Variants in TARS1 observed in about 807,000 individuals in gnomAD.
TARS1 encodes the protein threonine--tRNA ligase 1, cytoplasmic.
In TARS1, 57 loss-of-function variants were observed where a neutral mutation model predicts 97.7. That is an observed-to-expected ratio of 0.58 (90% CI 0.47 to 0.73). The LOEUF is 0.73. TARS1 is among the 30% of genes least tolerant of loss of function. TARS1 has a pLI of 0.00. For missense variants in TARS1, 806 were observed against 888.3 expected, an observed-to-expected ratio of 0.91 and a Z score of 1.18; for synonymous variants, 312 against 293.7, an observed-to-expected ratio of 1.06 and a Z score of -0.64.
At chr5:33,452,488 G>T in intron 3 of TARS1, 8 of 1,400,850 alleles carry the variant, frequency 5.7e-6, no homozygotes, top group Non-Finnish European at 7.8e-6. Flanking sequence ...GACCTGTACT[G>T]CTTTCCCTCC....
chr5:33,449,638 G>T (rs1278903815), intron 3 of TARS1, among the ~76,000 whole-genome samples: 3 of 151,438 alleles, frequency 2.0e-5, no homozygotes, highest in Admixed American at 1.3e-4. Context: ...TGTATTTTTA[G>T]TAGAGACGGG....
chr5:33,454,354 A>T (rs1741909147), intron 4 of TARS1, among the ~76,000 whole-genome samples: 1 of 152,210 alleles, frequency 6.6e-6, no homozygotes, highest in South Asian at 2.1e-4. Flanking sequence ...TTAATACTAA[A>T]TCTTGAAAAC....
intron 18 of TARS1, 69 bp downstream of exon 18, chr5:33,467,054 G>A: frequency 1.2e-6 from 1 of 849,098 alleles, no homozygotes; most frequent in Non-Finnish European, 1.7e-6. Context: ...CTTGAGACAG[G>A]TTTAAGTGAA....
At chr5:33,445,425 G>C (rs1304389299) in intron 2 of TARS1, 21 bp downstream of exon 2, 5 of 1,608,290 alleles carry the variant, frequency 3.1e-6, no homozygotes, top group Non-Finnish European at 4.3e-6. Flanking sequence ...TCATCACAGA[G>C]GGCTCTGTTA....
At chr5:33,461,439 T>C in intron 13 of TARS1, 144 bp downstream of exon 13, 1 of 1,238,008 alleles carries the variant, frequency 8.1e-7, no homozygotes. Flanking sequence ...AGTTTTTTTC[T>C]TTATGATTGT....
chr5:33,452,781 T>C (rs1678248008), intron 3 of TARS1, among the ~76,000 whole-genome samples: 1 of 151,466 alleles, frequency 6.6e-6, no homozygotes, highest in Non-Finnish European at 1.5e-5. Context: ...CTTTTTTTTT[T>C]CCTTTGGAGT....
rs1251877297 is a variant in TARS1 at position 33,467,934 on chromosome 5, A to T, written c.*226A>T. The T allele has an allele frequency of 2.3e-6, 1 of 427,284 alleles. No individual in the cohort carries two copies. The highest frequency in any genetic ancestry group is 4.1e-6 in the Non-Finnish European group (1 of 243,060). 26.5% of individuals were successfully genotyped at this position (427,284 alleles called of 1,614,324 possible). ...GCCAATAAAATGATTTTACTCATTCAGTATCTGAGTACTGGAAGTGAAACA... is the reference window on the plus strand; with the variant it reads ...GCCAATAAAATGATTTTACTCATTCTGTATCTGAGTACTGGAAGTGAAACA... On this transcript the variant is annotated 3_prime_UTR_variant, in exon 19 of 19. Transcript: ENST00000265112.
rs993370964 is a variant in TARS1 at position 33,458,487 on chromosome 5, A to G, written c.985-79A>G. Reference sequence around the variant, plus strand: ...ACATCATGACCATATTCTGAGCTCAAGAACACTGAAATTTATGTATATATA... The same window carrying G: ...ACATCATGACCATATTCTGAGCTCAGGAACACTGAAATTTATGTATATATA... On this transcript the variant is annotated intron_variant, in intron 9 of 18. Coordinates refer to ENST00000265112, the MANE Select transcript of TARS1 (RefSeq NM_152295.5). 1.6e-5 allele frequency: 20 copies of G among 1,253,908 alleles called. No homozygotes were observed. In the Admixed American group the frequency reaches 2.0e-4, roughly 12 times the overall value. The allele number at this position is 1,253,908 out of a possible 1,614,324, so 77.7% of individuals were successfully genotyped here.
chr5:33,448,130 G>A (rs1337487500), intron 2 of TARS1, among the ~76,000 whole-genome samples: 1 of 152,144 alleles, frequency 6.6e-6, no homozygotes, highest in East Asian at 1.9e-4. Flanking sequence ...GGTTGTGAGT[G>A]GACATATAGG....
chr5:33,465,183 C>T (rs998919516), intron 17 of TARS1, among the ~76,000 whole-genome samples: 5 of 152,208 alleles, frequency 3.3e-5, no homozygotes, highest in African/African-American at 9.6e-5. Flanking sequence ...GTTTTAGTTA[C>T]AAATGATGAC....
chr5:33,450,857 G>A (rs1741698516), intron 3 of TARS1, among the ~76,000 whole-genome samples: 1 of 152,240 alleles, frequency 6.6e-6, no homozygotes, highest in African/African-American at 2.4e-5. Flanking sequence ...GCTCACAGCT[G>A]TAATCCCAGC....
intron 2 of TARS1, among the ~76,000 whole-genome samples, chr5:33,447,011 G>A (rs999476120): frequency 3.3e-5 from 5 of 152,146 alleles, no homozygotes; most frequent in African/African-American, 4.8e-5. Context: ...GGCCTGATAC[G>A]GTGGTAGGAA....
At position 33,461,194 on chromosome 5, in the gene TARS1, C is replaced by T. The variant is rs375360008; in HGVS notation, c.1450C>T (p.Arg484Cys). ...AATAAAAGGTTGTTTGGATTTTCTA[C>T]GTACGGTATATAGCGTATTTGGATT... The part of the protein sequence containing the change: ...DEIKGCLDFL[R>C]TVYSVFGFSF... Residue 484 changes from arginine (R) to cysteine (C), a missense_variant, in exon 13 of 19, where the codon CGT becomes TGT. Physicochemically the swap from Arg to Cys is radical, Grantham distance 180. Transcript: ENST00000265112. 12 of 1,611,078 alleles carry T rather than the reference C, an allele frequency of 7.4e-6. No individual in the cohort carries two copies. Among genetic ancestry groups the T allele is most frequent in the African/African-American group, 2.7e-5 (2 of 74,748 alleles).
intron 9 of TARS1, 141 bp downstream of exon 9, chr5:33,457,544 C>G (rs950425513): frequency 1.5e-5 from 13 of 873,820 alleles, no homozygotes; most frequent in Non-Finnish European, 1.9e-5. Context: ...ATGTCCTGTA[C>G]AAACTATAAA....
rs778072914 is a variant in TARS1, at chr5:33,461,171, T to A, written c.1427T>A (p.Ile476Lys). The change falls in exon 13 of 19, where the codon ATA (isoleucine) becomes AAA (lysine). Residue 476 changes from isoleucine to lysine, a missense_variant. Around this residue, in one of 3 missense-constraint regions of TARS1, gnomAD observed 446 missense variants for 511.0 expected, o/e 0.87. Coordinates refer to ENST00000265112, the MANE Select transcript of TARS1 (RefSeq NM_152295.5). ...TTTAATTTGAAGATTGAAGATGAAA[T>A]AAAAGGTTGTTTGGATTTTCTACGT... ...FCAMEQIEDE[I>K]KGCLDFLRTV... 6.2e-7 allele frequency: 1 copy of A among 1,606,336 alleles called. No individual in the cohort carries two copies. Among genetic ancestry groups the A allele is most frequent in the Admixed American group, 1.7e-5 (1 of 58,732 alleles).
At position 33,457,304 on chromosome 5, in the gene TARS1, G is replaced by A. The variant is rs759299404; in HGVS notation, c.885G>A (p.Gln295=). The A allele has an allele frequency of 6.2e-7, 1 of 1,614,172 alleles. No individual in the cohort carries two copies. Among genetic ancestry groups the A allele is most frequent in the Non-Finnish European group, 8.5e-7 (1 of 1,180,010 alleles). Residue 295 remains glutamine (Q), a synonymous_variant, in exon 9 of 19, where the codon CAG becomes CAA. Coordinates refer to ENST00000265112, the MANE Select transcript of TARS1 (RefSeq NM_152295.5). The part of the protein sequence containing the change: ...WEGKADMETL[Q]RIYGISFPDP... ...GCAAAGCAGATATGGAGACTCTCCA[G>A]AGAATTTATGGCATTTCATTCCCAG...
chr5:33,457,512 T>C, intron 9 of TARS1, 109 bp downstream of exon 9: 4 of 1,267,220 alleles, frequency 3.2e-6, no homozygotes, highest in Non-Finnish European at 3.3e-6. Context: ...AGAGATGTTG[T>C]GGCTTTTTAG....
At chr5:33,466,101 A>G (rs1442884087) in intron 17 of TARS1, 2 of 152,202 alleles carry the variant, frequency 1.3e-5, no homozygotes, top group African/African-American at 4.8e-5. Context: ...GTCACTGCTC[A>G]CATGGCTTTG....
intron 3 of TARS1, among the ~76,000 whole-genome samples, chr5:33,451,115 A>C (rs1741710538): frequency 6.6e-6 from 1 of 152,180 alleles, no homozygotes; most frequent in Admixed American, 6.5e-5. Context: ...GTCCGTCTCC[A>C]GGGAAAAAAA....
Sources: allele counts gnomAD v4.1 joint callset (sites outside exome capture counted in the v4.1 genomes callset), GRCh38; gene constraint gnomAD v4.1.1; regional missense constraint gnomAD v4.1.1; transcripts MANE v1.5; gene names NCBI Gene and HGNC (gene_info 2026-07-23, HGNC 2026-07-21).